Variants in APELA observed in about 807,000 individuals in gnomAD.
The protein encoded by APELA is protein Elabela.
chr4:164,890,807 G>A (rs900073181), intron 2 of APELA, among the ~76,000 whole-genome samples: 6 of 152,208 alleles, frequency 3.9e-5, no homozygotes, highest in Admixed American at 2.0e-4. Context: ...ACTCATTGAG[G>A]AACTGCCAAA....
chr4:164,889,137 C>T (rs947159984), intron 2 of APELA, among the ~76,000 whole-genome samples: 1 of 145,990 alleles, frequency 6.8e-6, no homozygotes. Flanking sequence ...CCAATAACTT[C>T]TTTTATTACA....
intron 1 of APELA, among the ~76,000 whole-genome samples, chr4:164,878,605 T>C (rs1030833268): frequency 1.3e-5 from 2 of 152,172 alleles, no homozygotes; most frequent in African/African-American, 4.8e-5. Context: ...ATTTACTACA[T>C]AAAATAAAAG....
intron 2 of APELA, among the ~76,000 whole-genome samples, chr4:164,890,761 GA>G (rs572210934): frequency 5.6e-4 from 86 of 152,308 alleles, no homozygotes; most frequent in African/African-American, 1.9e-3. Flanking sequence ...AATTAAAAGA[GA>G]GGAATTGTTG....
intron 2 of APELA, among the ~76,000 whole-genome samples, chr4:164,891,636 A>T (rs1406276918): frequency 1.3e-5 from 2 of 152,150 alleles, no homozygotes; most frequent in African/African-American, 4.8e-5. Context: ...TATTGATCTT[A>T]TATCCTGAAA....
At chr4:164,878,196 A>AAAAGAAAGAAAG (rs11404085) in intron 1 of APELA, among the ~76,000 whole-genome samples, 26,940 of 143,248 alleles carry the variant, frequency 0.19, 2,808 homozygotes, top group Non-Finnish European at 0.23. Flanking sequence ...AGAAACAGAA[A>AAAAGAAAGAAAG]AAAGAAAGAA....
intron 2 of APELA, chr4:164,879,305 C>T (rs1020672856): frequency 8.5e-5 from 20 of 235,868 alleles, no homozygotes; most frequent in East Asian, 6.4e-4. Flanking sequence ...TTATGCAGAA[C>T]GAGCCGATTC....
Position 164,877,423 on chromosome 4 carries a change from A to C in APELA, c.76+16A>C. On this transcript the variant is annotated intron_variant, in intron 1 of 2. Transcript: ENST00000507152. ...CAGAGACCAGGTAGGCCTTTGATAC[A>C]TTTGTACAAGTAACTTGTTTTGCCT... is the stretch of plus-strand genomic sequence containing the variant. The C allele has an allele frequency of 2.5e-6, 1 of 398,892 alleles. No homozygotes were observed. The highest frequency in any genetic ancestry group is 3.6e-5 in the East Asian group (1 of 28,066). The allele number at this position is 398,892 out of a possible 1,614,324, so 24.7% of individuals were successfully genotyped here.
chr4:164,885,405 A>G (rs1207892427), intron 2 of APELA, among the ~76,000 whole-genome samples: 2 of 150,328 alleles, frequency 1.3e-5, no homozygotes, highest in African/African-American at 2.4e-5. Flanking sequence ...TGCTAGGGTT[A>G]CAGGTGTGAT....
chr4:164,878,211 A>AGAAAGAAAGAAAGAAAGAAAGAAC, intron 1 of APELA, among the ~76,000 whole-genome samples: 1 of 152,110 alleles, frequency 6.6e-6, no homozygotes, highest in South Asian at 2.1e-4. Flanking sequence ...AAAGAAAGAA[A>AGAAAGAAAGAAAGAAAGAAAGAAC]GAAAGAAAGA....
chr4:164,882,604 T>C (rs1730674533), intron 2 of APELA, among the ~76,000 whole-genome samples: 1 of 151,980 alleles, frequency 6.6e-6, no homozygotes, highest in Non-Finnish European at 1.5e-5. Flanking sequence ...ATTAATTTCA[T>C]TATTATTATA....
At chr4:164,878,367 CAG>C (rs1730598446) in intron 1 of APELA, among the ~76,000 whole-genome samples, 1 of 152,084 alleles carries the variant, frequency 6.6e-6, no homozygotes, top group African/African-American at 2.4e-5. Context: ...GTTAAAAATT[CAG>C]ACTTTGCTTT....
intron 2 of APELA, among the ~76,000 whole-genome samples, chr4:164,891,026 A>G (rs1730872336): frequency 6.6e-6 from 1 of 152,164 alleles, no homozygotes; most frequent in Non-Finnish European, 1.5e-5. Flanking sequence ...GTCTCTTTGG[A>G]GAAATGGCTA....
downstream of APELA, chr4:164,898,982 C>T (rs1281130481): frequency 6.6e-6 from 1 of 152,012 alleles, no homozygotes; most frequent in African/African-American, 2.4e-5. Flanking sequence ...ATGAATAAAA[C>T]ATCAAAATTT....
chr4:164,895,243 T>C (rs1459309238), intron 2 of APELA, among the ~76,000 whole-genome samples, 173 bp from the exon 3 acceptor site: 1 of 152,184 alleles, frequency 6.6e-6, no homozygotes, highest in Non-Finnish European at 1.5e-5. Context: ...TAAAGACACA[T>C]AGGTGCTGCA....
chr4:164,889,482 A>G (rs1178959185), intron 2 of APELA, among the ~76,000 whole-genome samples: 2 of 152,208 alleles, frequency 1.3e-5, no homozygotes, highest in Non-Finnish European at 2.9e-5. Context: ...ATTTAAACAC[A>G]TATGAAATCC....
intron 2 of APELA, among the ~76,000 whole-genome samples, chr4:164,889,358 A>G (rs531913717): frequency 1.3e-5 from 2 of 152,318 alleles, no homozygotes; most frequent in Non-Finnish European, 2.9e-5. Context: ...TGACATATAT[A>G]CACATTATTT....
At chr4:164,892,654 T>G (rs1278203242) in intron 2 of APELA, among the ~76,000 whole-genome samples, 1 of 152,184 alleles carries the variant, frequency 6.6e-6, no homozygotes, top group Non-Finnish European at 1.5e-5. Context: ...TGTTTTCTCC[T>G]CTTCTAAATT....
rs1730997628 is a variant in APELA, at chr4:164,897,361, A to G, written c.*1947A>G. The G allele has an allele frequency of 6.6e-6, 1 of 152,238 alleles. No individual in the cohort carries two copies. Among genetic ancestry groups the G allele is most frequent in the Admixed American group, 6.5e-5 (1 of 15,274 alleles). 9.4% of individuals were successfully genotyped at this position (152,238 alleles called of 1,614,324 possible). On this transcript the variant is annotated 3_prime_UTR_variant, in exon 3 of 3. Transcript: ENST00000507152. Reference sequence around the variant, plus strand: ...TGGTTTGTATATTTTGTACTGAAAAAGAAAACACTTTATAGTCAAGATACA... The same window carrying G: ...TGGTTTGTATATTTTGTACTGAAAAGGAAAACACTTTATAGTCAAGATACA...
chr4:164,889,174 G>C (rs1262162571), intron 2 of APELA, among the ~76,000 whole-genome samples: 1 of 151,988 alleles, frequency 6.6e-6, no homozygotes, highest in Non-Finnish European at 1.5e-5. Flanking sequence ...CGGTGAGGGT[G>C]GGGTGGGAGT....
Sources: allele counts gnomAD v4.1 joint callset (sites outside exome capture counted in the v4.1 genomes callset), GRCh38; gene constraint gnomAD v4.1.1; transcripts MANE v1.5; gene names NCBI Gene and HGNC (gene_info 2026-07-23, HGNC 2026-07-21).